Variants in USP3 observed in about 807,000 individuals in gnomAD.
The protein encoded by USP3 is ubiquitin carboxyl-terminal hydrolase 3.
A neutral mutation model predicts 72.3 loss-of-function variants in USP3; 20 were observed. The observed-to-expected ratio is 0.28, with a 90% CI of 0.19 to 0.40. USP3 has a LOEUF of 0.40. Among genes scored for constraint, USP3 ranks in the 10% least tolerant of loss-of-function variants. USP3 has a pLI of 1.00. For missense variants in USP3, 479 were observed against 633.9 expected, an observed-to-expected ratio of 0.76 and a Z score of 2.62; for synonymous variants, 222 against 225.3, an observed-to-expected ratio of 0.99 and a Z score of 0.13.
chr15:63,550,106 G>T (rs1410473709), intron 3 of USP3, among the ~76,000 whole-genome samples: 7 of 152,146 alleles, frequency 4.6e-5, no homozygotes, highest in Admixed American at 3.3e-4. Context: ...TGCAACCTCC[G>T]CCTCCTTGGT....
At chr15:63,587,365 G>A (rs769920160) in intron 11 of USP3, among the ~76,000 whole-genome samples, 1 of 151,710 alleles carries the variant, frequency 6.6e-6, no homozygotes, top group Non-Finnish European at 1.5e-5. Context: ...ATAGATTTAT[G>A]AATATCTGAT....
intron 3 of USP3, among the ~76,000 whole-genome samples, chr15:63,546,107 C>T (rs1158994602): frequency 6.6e-6 from 1 of 151,174 alleles, no homozygotes; most frequent in African/African-American, 2.4e-5. Context: ...TAGTTCCTGA[C>T]TTCTGTTTAT....
intron 11 of USP3, among the ~76,000 whole-genome samples, chr15:63,582,687 G>A (rs1465513353): frequency 6.6e-6 from 1 of 152,172 alleles, no homozygotes; most frequent in Non-Finnish European, 1.5e-5. Flanking sequence ...CAAAAAGGCA[G>A]GGAGGAAGAA....
chr15:63,508,358 T>C (rs2065740129), intron 1 of USP3, among the ~76,000 whole-genome samples: 1 of 152,190 alleles, frequency 6.6e-6, no homozygotes, highest in Non-Finnish European at 1.5e-5. Context: ...ATGTATTAGC[T>C]GGGAAATAGA....
intron 11 of USP3, among the ~76,000 whole-genome samples, chr15:63,583,393 G>A (rs1446649921): frequency 2.0e-5 from 3 of 152,170 alleles, no homozygotes; most frequent in Admixed American, 6.5e-5. Flanking sequence ...GAGCCCAGGA[G>A]TTTGAGGCTT....
At chr15:63,518,687 ACTCT>A (rs2065881095) in intron 1 of USP3, among the ~76,000 whole-genome samples, 1 of 151,720 alleles carries the variant, frequency 6.6e-6, no homozygotes, top group Admixed American at 6.6e-5. Flanking sequence ...GTATATATTT[ACTCT>A]CTGTTTATAT....
chr15:63,531,190 C>G (rs2066069351), intron 1 of USP3, among the ~76,000 whole-genome samples: 1 of 152,192 alleles, frequency 6.6e-6, no homozygotes, highest in Non-Finnish European at 1.5e-5. Flanking sequence ...CTCCTGTCCC[C>G]TCCTCTCATG....
chr15:63,551,827 T>C (rs979495306), intron 3 of USP3: 1 of 152,220 alleles, frequency 6.6e-6, no homozygotes, highest in Non-Finnish European at 1.5e-5. Context: ...TAGATCAACT[T>C]ACTTTGGTGA....
chr15:63,525,490 C>T (rs543155173), intron 1 of USP3, among the ~76,000 whole-genome samples: 1 of 152,318 alleles, frequency 6.6e-6, no homozygotes, highest in South Asian at 2.1e-4. Flanking sequence ...TGGCTGCCCT[C>T]GGACTGCCTG....
At chr15:63,533,822 T>C (rs1480657032) in intron 2 of USP3, 13 of 1,241,386 alleles carry the variant, frequency 1.0e-5, no homozygotes, top group African/African-American at 3.1e-5. Flanking sequence ...AACCTGAAAA[T>C]ACTTTGTACA....
intron 8 of USP3, among the ~76,000 whole-genome samples, chr15:63,569,575 C>T (rs1362301460): frequency 2.0e-5 from 3 of 152,160 alleles, no homozygotes; most frequent in African/African-American, 7.2e-5. Context: ...AGAGACCTTC[C>T]ATGCTGGCAA....
chr15:63,560,272 C>T (rs901078161), intron 7 of USP3, among the ~76,000 whole-genome samples: 11 of 151,848 alleles, frequency 7.2e-5, no homozygotes, highest in African/African-American at 9.7e-5. Context: ...AAAAATTAGC[C>T]GGGCATGGTG....
At chr15:63,511,612 A>G (rs1051238937) in intron 1 of USP3, among the ~76,000 whole-genome samples, 2 of 152,194 alleles carry the variant, frequency 1.3e-5, no homozygotes, top group Non-Finnish European at 2.9e-5. Flanking sequence ...ATAATAAACC[A>G]GCCTCCTCAC....
At chr15:63,573,685 G>A (rs1442914960) in intron 9 of USP3, among the ~76,000 whole-genome samples, 4 of 152,156 alleles carry the variant, frequency 2.6e-5, no homozygotes. Flanking sequence ...CCAATACAAG[G>A]CAGTTTCATC....
intron 1 of USP3, among the ~76,000 whole-genome samples, chr15:63,525,445 A>G (rs2065968630): frequency 6.6e-6 from 1 of 152,168 alleles, no homozygotes; most frequent in East Asian, 1.9e-4. Flanking sequence ...AATGAGCAGC[A>G]TTGTTGGGGC....
chr15:63,588,645 T>A lies in USP3; in HGVS notation c.1216-57T>A. On this transcript the variant is annotated intron_variant, in intron 12 of 14. Coordinates refer to ENST00000380324, the MANE Select transcript of USP3 (RefSeq NM_006537.4). The surrounding 1 kb of genome is among the most constrained non-coding windows in gnomAD (Gnocchi z 4.6). ...TACTGAACTGATAGTAGTATCAAACTTTGACTGAAAGGTAAATTAGGTGTT... is the reference window on the plus strand; with the variant it reads ...TACTGAACTGATAGTAGTATCAAACATTGACTGAAAGGTAAATTAGGTGTT... The A allele has an allele frequency of 2.2e-6, 3 of 1,349,698 alleles. No individual in the cohort carries two copies. The highest frequency in any genetic ancestry group is 3.1e-6 in the Non-Finnish European group (3 of 953,270). The allele number at this position is 1,349,698 out of a possible 1,614,324, so 83.6% of individuals were successfully genotyped here. A position where few individuals can be genotyped will look rare whatever the true frequency, so the allele number is the denominator to read the frequency against.
intron 2 of USP3, among the ~76,000 whole-genome samples, chr15:63,533,239 C>T (rs190839518): frequency 7.9e-5 from 12 of 152,164 alleles, no homozygotes; most frequent in Admixed American, 3.9e-4. Context: ...TACAGATAAA[C>T]GAATTCCTTT....
At chr15:63,589,152 G>A (rs748041606) in intron 14 of USP3, 141 bp downstream of exon 14, 39 of 866,520 alleles carry the variant, frequency 4.5e-5, no homozygotes, top group Middle Eastern at 3.6e-4. Context: ...GTTTTGGTGC[G>A]GAAGAGTACT....
chr15:63,532,632 T>A lies in USP3; in HGVS notation c.92-15T>A. The A allele has an allele frequency of 6.2e-7, 1 of 1,613,938 alleles. No homozygotes were observed. ...ATGATGCAATTGGTATATTGTGTATTTTTCTTTTTATTAGTGTGCCGGTCC... is the reference window on the plus strand; with the variant it reads ...ATGATGCAATTGGTATATTGTGTATATTTCTTTTTATTAGTGTGCCGGTCC... On this transcript the variant is annotated splice_polypyrimidine_tract_variant and intron_variant, in intron 1 of 14. Transcript: ENST00000380324.
Sources: gnomAD v4.1 joint callset for allele counts (sites outside exome capture counted in the v4.1 genomes callset) on GRCh38, gnomAD v4.1.1 for gene constraint, Gnocchi (gnomAD v3.1) non-coding constraint, MANE v1.5 for transcripts, NCBI Gene and HGNC (gene_info 2026-07-23, HGNC 2026-07-21) for gene names.